Variants in PSG7 observed in about 807,000 individuals in gnomAD.
PSG7 encodes pregnancy-specific beta-1-glycoprotein 7.
Under a neutral mutation model 45.6 loss-of-function variants are expected in PSG7, and 57 were observed. The ratio of observed to expected loss-of-function variants is 1.25; its 90% confidence interval spans 1.01 to 1.56. PSG7 has a LOEUF of 1.56. Ranked by LOEUF, PSG7 falls within the 40% of genes most tolerant of loss-of-function variation. PSG7 has a pLI of 0.00. For missense variants in PSG7, 796 were observed against 508.4 expected (o/e 1.57, Z -5.44); for synonymous variants, 298 against 194.4 (o/e 1.53, Z -4.43).
chr19:42,936,860 A>G (rs1973162653), intron 1 of PSG7, among the ~76,000 whole-genome samples, 153 bp downstream of exon 1: 1 of 151,250 alleles, frequency 6.6e-6, no homozygotes, highest in Non-Finnish European at 1.5e-5. Flanking sequence ...TGTTGGCCAG[A>G]CTGATCTTGA....
In PSG7 at chr19:42,926,023, A is replaced by G; in HGVS notation, c.993T>C (p.Gly331=). Reference sequence around the variant, plus strand: ...AAGGGTAAATTCTGGGGAGGTCTGGACCATCTGGAGGAAAGAGAATAAAGC... The same window carrying G: ...AAGGGTAAATTCTGGGGAGGTCTGGGCCATCTGGAGGAAAGAGAATAAAGC... ...SDPVTLNVLY[G]PDLPRIYPSF... is the part of the protein sequence containing the mutation. The change falls in exon 5 of 6, where the codon GGT becomes GGC. Residue 331 remains glycine, a synonymous_variant. Coordinates refer to ENST00000406070, the MANE Select transcript of PSG7 (RefSeq NM_002783.3). 6.2e-7 allele frequency: 1 copy of G among 1,611,604 alleles called. No homozygotes were observed. The highest frequency in any genetic ancestry group is 1.7e-4 in the Middle Eastern group (1 of 6,058).
chr19:42,928,008 AG>A (rs896232923), intron 3 of PSG7, among the ~76,000 whole-genome samples: 5 of 151,732 alleles, frequency 3.3e-5, no homozygotes, highest in Admixed American at 6.6e-5. Flanking sequence ...TGCTTCAGTG[AG>A]CATTTCTTTT....
rs1568459483 is a variant in PSG7, at chr19:42,933,288, TATATA to T, written c.430+2111_430+2115del. On this transcript the variant is annotated intron_variant, in intron 2 of 5. Coordinates refer to ENST00000406070, the MANE Select transcript of PSG7 (RefSeq NM_002783.3). ...TTCAATATATATATATATATATATA[TATATA>T]TATATATATATATATTTTTTTTTTT... Among the ~76,000 whole-genome samples the T allele has an allele frequency of 3.9e-3, 47 of 11,980 alleles. 5 individuals are homozygous for T. Among genetic ancestry groups the T allele is most frequent in the African/African-American group, 8.5e-3 (46 of 5,384 alleles). 7.9% of individuals were successfully genotyped at this position (11,980 alleles called of 152,430 possible). A position where few individuals can be genotyped will look rare whatever the true frequency, so the allele number is the denominator to read the frequency against.
At chr19:42,936,722 G>T (rs1285761035) in intron 1 of PSG7, among the ~76,000 whole-genome samples, 4 of 150,968 alleles carry the variant, frequency 2.6e-5, no homozygotes, top group Non-Finnish European at 5.9e-5. Flanking sequence ...ATCTCGGCTA[G>T]CTGCAACTTC....
In PSG7 at chr19:42,925,946, T is replaced by C. The variant is rs1423068289; in HGVS notation, c.1070A>G (p.Asp357Gly). ...AGAATACTGTGCCGGTGGGTTAGAG[T>C]CCGCAAAGCAGGACAAGTAGAGGTT... is the stretch of plus-strand genomic sequence containing the variant. ...GQNLYLSCFA[D>G]SNPPAQYSWT... Residue 357 changes from aspartate to glycine, a missense_variant, in exon 5 of 6, where the codon GAC (aspartate) becomes GGC (glycine). Asp to Gly is a moderately conservative substitution (Grantham distance 94). Coordinates refer to ENST00000406070, the MANE Select transcript of PSG7 (RefSeq NM_002783.3). 1 of 1,611,942 alleles carries C rather than the reference T, an allele frequency of 6.2e-7. No homozygotes were observed.
In PSG7 at chr19:42,937,181, G is replaced by C. The variant is rs927149324; in HGVS notation, c.-105C>G. On this transcript the variant is annotated 5_prime_UTR_variant, in exon 1 of 6. Transcript: ENST00000406070. ...GCTGTCCTTCCTCCTTCTGCACTGA[G>C]CCTCTTCCCGGGGCAGGAGCACTTC... 26 of 1,480,424 alleles carry C rather than the reference G, an allele frequency of 1.8e-5. No homozygotes were observed. The highest frequency in any genetic ancestry group is 2.8e-5 in the African/African-American group (2 of 70,860). 91.7% of individuals were successfully genotyped at this position (1,480,424 alleles called of 1,614,324 possible).
In PSG7 at chr19:42,929,379, C is replaced by T. The variant is rs556618060; in HGVS notation, c.709+63G>A. 4.5e-5 allele frequency: 73 copies of T among 1,610,674 alleles called. 4 individuals carry two copies. The highest frequency in any genetic ancestry group is 3.3e-4 in the East Asian group (15 of 44,798). On this transcript the variant is annotated intron_variant, in intron 3 of 5. Coordinates refer to ENST00000406070, the MANE Select transcript of PSG7 (RefSeq NM_002783.3). ...TGGACCTGAGAGGGACTGAGAAGCC[C>T]GGCCTCTGGCCATGTGTATTTGGGA...
intron 2 of PSG7, among the ~76,000 whole-genome samples, chr19:42,935,057 G>T (rs1428938853): frequency 6.6e-6 from 1 of 151,610 alleles, no homozygotes; most frequent in Non-Finnish European, 1.5e-5. Flanking sequence ...GGGTCTCAGG[G>T]GGCCCCTCAG....
chr19:42,933,304 TA>T lies in PSG7; in HGVS notation c.430+2099del, dbSNP rs1242717062. Among the ~76,000 whole-genome samples the T allele has an allele frequency of 2.1e-3, 52 of 24,454 alleles. 1 individual carries two copies. Among genetic ancestry groups the T allele is most frequent in the African/African-American group, 3.0e-3 (26 of 8,728 alleles). The allele number at this position is 24,454 out of a possible 152,430, so 16.0% of individuals were successfully genotyped here. On this transcript the variant is annotated intron_variant, in intron 2 of 5. Transcript: ENST00000406070. ...ATATATATATATATATATATATATATATATTTTTTTTTTTTTTTGGTGTATG... is the reference window on the plus strand; with the variant it reads ...ATATATATATATATATATATATATATTATTTTTTTTTTTTTTTGGTGTATG...
chr19:42,934,654 CT>C (rs1973105837), intron 2 of PSG7, among the ~76,000 whole-genome samples: 1 of 151,702 alleles, frequency 6.6e-6, no homozygotes, highest in South Asian at 2.1e-4. Flanking sequence ...GAGAAAGCAC[CT>C]TTACGTCAGA....
At chr19:42,927,084 A>T (rs1972911901) in intron 3 of PSG7, 3 of 304,452 alleles carry the variant, frequency 9.9e-6, no homozygotes, top group African/African-American at 2.1e-5. Flanking sequence ...GGCCCTTTCC[A>T]AATTGCATCC....
At chr19:42,934,118 C>T (rs933789950) in intron 2 of PSG7, among the ~76,000 whole-genome samples, 1 of 151,394 alleles carries the variant, frequency 6.6e-6, no homozygotes, top group Non-Finnish European at 1.5e-5. Flanking sequence ...AAGGTCCTCT[C>T]CTTGATCCTC....
Position 42,931,484 on chromosome 19 carries a change from G to C in PSG7, c.431-1764C>G, listed in dbSNP as rs889181334. 1.3e-4 allele frequency among the ~76,000 whole-genome samples: 19 copies of C among 151,732 alleles called. 1 individual carries two copies. The highest frequency in any genetic ancestry group is 2.0e-4 in the Admixed American group (3 of 15,172). On this transcript the variant is annotated intron_variant, in intron 2 of 5. Coordinates refer to ENST00000406070, the MANE Select transcript of PSG7 (RefSeq NM_002783.3). Reference sequence around the variant, plus strand: ...TATGTTAGTAAATATAGAAAGAACTGCCTGCTTATAATTTCTGGGCAGAGT... The same window carrying C: ...TATGTTAGTAAATATAGAAAGAACTCCCTGCTTATAATTTCTGGGCAGAGT...
chr19:42,935,196 G>A (rs753606085), intron 2 of PSG7, among the ~76,000 whole-genome samples: 5 of 151,898 alleles, frequency 3.3e-5, no homozygotes, highest in African/African-American at 9.7e-5. Flanking sequence ...TCTGCAGCAA[G>A]TTTCTGCAGG....
At chr19:42,926,823 C>T (rs2122674983) in intron 3 of PSG7, 107 bp from the exon 4 acceptor site, 2 of 1,526,998 alleles carry the variant, frequency 1.3e-6, no homozygotes, top group Admixed American at 3.7e-5. Flanking sequence ...CGTGTGAGTC[C>T]TTGAAAGCCA....
At position 42,936,896 on chromosome 19, in the gene PSG7, C is replaced by G. The variant is rs1301704518; in HGVS notation, c.64+117G>C. ...ACTCCTGATCTCTTGATCCACCCAC[C>G]TCAGCCTCCCAAAGTGCTGGCTTCT... On this transcript the variant is annotated intron_variant, in intron 1 of 5. Coordinates refer to ENST00000406070, the MANE Select transcript of PSG7 (RefSeq NM_002783.3). The G allele has an allele frequency of 8.9e-6, 13 of 1,464,542 alleles. No homozygotes were observed. The East Asian group carries it at 1.4e-4, about 16-fold the overall frequency. The allele number at this position is 1,464,542 out of a possible 1,614,324, so 90.7% of individuals were successfully genotyped here.
chr19:42,930,142 A>G (rs1362855213), intron 2 of PSG7, among the ~76,000 whole-genome samples: 1 of 151,502 alleles, frequency 6.6e-6, no homozygotes. Context: ...TTCCCTTTCC[A>G]AGGACATCCT....
At chr19:42,934,624 T>C (rs1313310036) in intron 2 of PSG7, among the ~76,000 whole-genome samples, 1 of 151,778 alleles carries the variant, frequency 6.6e-6, no homozygotes, top group East Asian at 1.9e-4. Flanking sequence ...AAACAGCATT[T>C]ATTATTAATT....
chr19:42,935,462 G>A lies in PSG7; in HGVS notation c.372C>T (p.Ile124=). The A allele has an allele frequency of 9.9e-6, 16 of 1,612,230 alleles. 1 individual carries two copies. Among genetic ancestry groups the A allele is most frequent in the African/African-American group, 1.3e-5 (1 of 74,752 alleles). Residue 124 remains isoleucine, a synonymous_variant, in exon 2 of 6, where the codon ATC becomes ATT. Coordinates refer to ENST00000406070, the MANE Select transcript of PSG7 (RefSeq NM_002783.3). The stretch of plus-strand genomic sequence containing the variant: ...CTCCAGTCCCATCACCTCGCTTTAT[G>A]ATGTGTAAAGTGTAGGATCCTGTGT... The part of the protein sequence containing the change: ...QEDTGSYTLH[I]IKRGDGTGGV...
Sources: gnomAD v4.1 joint callset for allele counts (sites outside exome capture counted in the v4.1 genomes callset) on GRCh38, gnomAD v4.1.1 for gene constraint, MANE v1.5 for transcripts, NCBI Gene and HGNC (gene_info 2026-07-23, HGNC 2026-07-21) for gene names.